The following GRID1 variants were observed in gnomAD, a reference collection of about 807,000 sequenced individuals.
GRID1 encodes glutamate receptor ionotropic, delta-1.
Under a neutral mutation model 98.0 loss-of-function variants are expected in GRID1, and 28 were observed. The observed-to-expected ratio is 0.29, with a 90% CI of 0.21 to 0.39. GRID1 has a LOEUF of 0.39. Among genes scored for constraint, GRID1 ranks in the 10% least tolerant of loss-of-function variants. The probability of loss-of-function intolerance (pLI) is 1.00; values close to 1 mark genes in which losing one functional copy is unlikely to be tolerated. For synonymous variants in GRID1, 553 were observed against 538.5 expected (o/e 1.03, Z -0.37); for missense variants, 1,111 against 1,340.5 (o/e 0.83, Z 2.67).
intron 3 of GRID1, among the ~76,000 whole-genome samples, chr10:86,196,843 T>C (rs143543496): frequency 3.6e-4 from 55 of 151,770 alleles, no homozygotes; most frequent in African/African-American, 1.3e-3. Context: ...CCTTTGCACA[T>C]ACTTGGACTC....
chr10:85,747,300 C>G (rs1247743973), intron 8 of GRID1, among the ~76,000 whole-genome samples: 1 of 151,998 alleles, frequency 6.6e-6, no homozygotes, highest in Non-Finnish European at 1.5e-5. Context: ...GAAAGGCAAG[C>G]AGGAGAGAAG....
intron 2 of GRID1, among the ~76,000 whole-genome samples, chr10:86,350,948 C>T (rs1425807627): frequency 1.3e-5 from 2 of 152,216 alleles, no homozygotes; most frequent in African/African-American, 4.8e-5. Flanking sequence ...TCTTCCCTCC[C>T]CCTGCCCTCC....
At chr10:85,976,622 C>T (rs1236537946) in intron 4 of GRID1, among the ~76,000 whole-genome samples, 1 of 152,254 alleles carries the variant, frequency 6.6e-6, no homozygotes, top group African/African-American at 2.4e-5. Flanking sequence ...CCTGTGCGTG[C>T]ACCTCCAGGA....
chr10:85,978,232 T>A (rs538650611), intron 4 of GRID1, among the ~76,000 whole-genome samples: 8 of 152,302 alleles, frequency 5.3e-5, no homozygotes, highest in African/African-American at 1.9e-4. Context: ...GTCAACACCA[T>A]GCAGATGCCA....
At chr10:85,915,192 A>G (rs1206194725) in intron 5 of GRID1, among the ~76,000 whole-genome samples, 1 of 152,126 alleles carries the variant, frequency 6.6e-6, no homozygotes, top group East Asian at 1.9e-4. Flanking sequence ...TACTGGTTGC[A>G]CACACAAACA....
chr10:86,210,669 T>A (rs982305243), intron 2 of GRID1, among the ~76,000 whole-genome samples: 8 of 152,188 alleles, frequency 5.3e-5, no homozygotes, highest in African/African-American at 1.7e-4. Flanking sequence ...GCGCCAGGCC[T>A]CCACAAAAAG....
chr10:85,739,553 C>T (rs1023151253), intron 8 of GRID1, among the ~76,000 whole-genome samples: 1 of 152,142 alleles, frequency 6.6e-6, no homozygotes, highest in Admixed American at 6.5e-5. Flanking sequence ...CCACTGTACT[C>T]AAGCCTGGGT....
chr10:85,820,713 T>C (rs550918576), intron 8 of GRID1, among the ~76,000 whole-genome samples: 2 of 152,328 alleles, frequency 1.3e-5, no homozygotes, highest in African/African-American at 4.8e-5. Context: ...GATACCACTA[T>C]TATACCATTA....
rs1848668887 is a variant in GRID1 at position 86,365,832 on chromosome 10, C to A, written c.79+482G>T. 6.6e-6 allele frequency among the ~76,000 whole-genome samples: 1 copy of A among 152,202 alleles called. No homozygotes were observed. Among genetic ancestry groups the A allele is most frequent in the Non-Finnish European group, 1.5e-5 (1 of 68,044 alleles). ...ACACCCTCTCACAGTAACACCGACA[C>A]CGTGCCAGGCGCACACAGCGACACA... On this transcript the variant is annotated intron_variant, in intron 1 of 15. Transcript: ENST00000327946. The surrounding 1 kb of genome is among the most constrained non-coding windows in gnomAD (Gnocchi z 4.8).
intron 8 of GRID1, among the ~76,000 whole-genome samples, chr10:85,735,751 A>G (rs1841873173): frequency 6.6e-6 from 1 of 151,974 alleles, no homozygotes; most frequent in Admixed American, 6.6e-5. Flanking sequence ...AACCAATTTC[A>G]TATAGAGAGC....
At chr10:85,951,843 G>T (rs531316872) in intron 4 of GRID1, among the ~76,000 whole-genome samples, 2 of 152,292 alleles carry the variant, frequency 1.3e-5, no homozygotes, top group Admixed American at 1.3e-4. Context: ...CCACCCCATG[G>T]CCAATGCTGC....
chr10:86,199,449 G>A (rs1473333935), intron 3 of GRID1, among the ~76,000 whole-genome samples: 4 of 152,132 alleles, frequency 2.6e-5, no homozygotes, highest in East Asian at 1.9e-4. Flanking sequence ...ACTCTACCAC[G>A]GTGTTTGCTC....
At position 85,790,837 on chromosome 10, in the gene GRID1, G is replaced by T. The variant is rs1009878703; in HGVS notation, c.1234-61223C>A. On this transcript the variant is annotated intron_variant, in intron 8 of 15. Coordinates refer to ENST00000327946, the MANE Select transcript of GRID1 (RefSeq NM_017551.3). ...TCTCAAGTGCCTTGACCAAGCCCTT[G>T]TCCTGGCTGCACAGGACCCTCTCTC... is the stretch of plus-strand genomic sequence containing the variant. Among the ~76,000 whole-genome samples the T allele has an allele frequency of 3.3e-5, 5 of 152,196 alleles. No individual in the cohort carries two copies. The East Asian group carries it at 5.8e-4, about 18-fold the overall frequency.
At chr10:85,655,110 C>A (rs1840880782) in intron 12 of GRID1, among the ~76,000 whole-genome samples, 1 of 152,288 alleles carries the variant, frequency 6.6e-6, no homozygotes, top group Non-Finnish European at 1.5e-5. Flanking sequence ...GCTGCCTCCT[C>A]CAGCTCTTCT....
At chr10:85,819,831 T>G (rs1375745363) in intron 8 of GRID1, among the ~76,000 whole-genome samples, 10 of 151,872 alleles carry the variant, frequency 6.6e-5, no homozygotes. Flanking sequence ...GGAGAATCAC[T>G]TGAACCCAGG....
intron 8 of GRID1, among the ~76,000 whole-genome samples, chr10:85,845,284 T>C (rs1244276465): frequency 6.6e-6 from 1 of 152,014 alleles, no homozygotes; most frequent in Non-Finnish European, 1.5e-5. Context: ...CAGTAACAAG[T>C]AGAAAAATCA....
intron 4 of GRID1, among the ~76,000 whole-genome samples, chr10:86,077,946 G>C (rs1473320138): frequency 1.3e-5 from 2 of 152,246 alleles, no homozygotes; most frequent in African/African-American, 4.8e-5. Flanking sequence ...TGACTCCAAG[G>C]CTCACTGGGA....
chr10:86,123,171 T>C (rs966497352), intron 4 of GRID1, among the ~76,000 whole-genome samples: 6 of 152,048 alleles, frequency 3.9e-5, no homozygotes, highest in East Asian at 1.9e-4. Flanking sequence ...GTGGGGAGGA[T>C]TGGAGTCTAC....
intron 13 of GRID1, among the ~76,000 whole-genome samples, chr10:85,632,975 G>A (rs1169687145): frequency 6.6e-6 from 1 of 152,184 alleles, no homozygotes; most frequent in East Asian, 1.9e-4. Context: ...AACATGCAGT[G>A]TTTGGTTTTC....
Sources: allele counts gnomAD v4.1 joint callset (sites outside exome capture counted in the v4.1 genomes callset), GRCh38; gene constraint gnomAD v4.1.1; non-coding constraint Gnocchi (gnomAD v3.1); transcripts MANE v1.5; gene names NCBI Gene and HGNC (gene_info 2026-07-23, HGNC 2026-07-21).